TAF1: variants seen among roughly 807,000 people sequenced by gnomAD.
TAF1 encodes TATA-box binding protein associated factor 1.
A neutral mutation model predicts 138.5 loss-of-function variants in TAF1; 2 were observed. That is an observed-to-expected ratio of 0.01 (90% confidence interval 0.01 to 0.05). The LOEUF (loss-of-function observed/expected upper bound fraction) is 0.05. Among genes scored for constraint, TAF1 ranks in the 10% least tolerant of loss-of-function variants. TAF1 has a pLI of 1.00. For synonymous variants in TAF1, 437 were observed against 503.2 expected, an observed-to-expected ratio of 0.87 and a Z score of 1.76; for missense variants, 709 against 1,478.0, an observed-to-expected ratio of 0.48 and a Z score of 8.53.
intron 13 of TAF1, among the ~76,000 whole-genome samples, chrX:71,482,461 C>G (rs1017761532): frequency 1.8e-5 from 2 of 112,402 alleles, no homozygotes; most frequent in Admixed American, 9.5e-5. Flanking sequence ...CAGTTCCAGA[C>G]CACTGCAATA....
intron 9 of TAF1, 146 bp downstream of exon 9, chrX:71,382,065 A>G (rs1353824884): frequency 9.1e-6 from 6 of 657,804 alleles, no homozygotes; most frequent in Non-Finnish European, 8.3e-6. Context: ...TTTGGCTGTT[A>G]GTTTATATTA....
Position 71,367,501 on chromosome X carries a change from A to G in TAF1, c.123A>G (p.Glu41=). The G allele has an allele frequency of 8.3e-7, 1 of 1,211,084 alleles. No individual in the cohort carries two copies. Among genetic ancestry groups the G allele is most frequent in the Non-Finnish European group, 1.1e-6 (1 of 895,325 alleles). ...QLEGESVLDD[E]CKKHLAGLGA... is the part of the protein sequence containing the mutation. ...GACTCGTGCTGTCCCTTTTTCAGGA[A>G]TGTAAGAAGCACTTGGCAGGCTTGG... is the stretch of plus-strand genomic sequence containing the variant. The change falls in exon 2 of 38, where the codon GAA becomes GAG. Residue 41 remains glutamate, a splice_region_variant and synonymous_variant. Transcript: ENST00000423759.
chrX:71,366,470 G>A lies in TAF1; in HGVS notation c.96G>A (p.Leu32=), dbSNP rs1204140210. 3 of 1,199,045 alleles carry A rather than the reference G, an allele frequency of 2.5e-6. No individual in the cohort carries two copies. The East Asian group carries it at 9.0e-5, about 36-fold the overall frequency. The change falls in exon 1 of 38, where the codon CTG becomes CTA. Residue 32 remains leucine (L), a synonymous_variant. Coordinates refer to ENST00000423759, the MANE Select transcript of TAF1 (RefSeq NM_004606.5). ...GCAACATCAATGGAGCCGGGCAGCTGGAGGGGGAAAGCGTCTTGGATGATG... is the reference window on the plus strand; with the variant it reads ...GCAACATCAATGGAGCCGGGCAGCTAGAGGGGGAAAGCGTCTTGGATGATG... ...LFGNINGAGQ[L]EGESVLDDEC...
chrX:71,375,365 A>G (rs1469964100), intron 4 of TAF1, 79 bp downstream of exon 4: 1 of 1,113,069 alleles, frequency 9.0e-7, no homozygotes, highest in African/African-American at 1.9e-5. Context: ...CACATAAGGG[A>G]CAAACTTAAG....
chrX:71,448,186 A>G (rs1262052309), intron 32 of TAF1, among the ~76,000 whole-genome samples: 2 of 111,398 alleles, frequency 1.8e-5, no homozygotes, highest in East Asian at 2.8e-4. Context: ...ATTGGAGTTC[A>G]ATTCTGTTTA....
At chrX:71,461,759 A>G (rs770888422) in intron 37 of TAF1, among the ~76,000 whole-genome samples, 1 of 112,066 alleles carries the variant, frequency 8.9e-6, no homozygotes, top group Non-Finnish European at 1.9e-5. Context: ...CCTTCCTTCA[A>G]GGAGATCAGT....
chrX:71,406,913 T>TG (rs2035500354), intron 26 of TAF1, among the ~76,000 whole-genome samples, 167 bp downstream of exon 26: 1 of 108,283 alleles, frequency 9.2e-6, no homozygotes, highest in African/African-American at 3.4e-5. Flanking sequence ...TTAGAGAAAG[T>TG]GGATTTTTTT....
intron 8 of TAF1, among the ~76,000 whole-genome samples, chrX:71,381,096 A>C (rs973125532): frequency 1.5e-4 from 17 of 112,337 alleles, no homozygotes; most frequent in African/African-American, 5.5e-4. Flanking sequence ...TAATTTACCG[A>C]TAACATGTTG....
intron 21 of TAF1, 25 bp from the exon 22 acceptor site, chrX:71,394,042 T>C: frequency 8.5e-7 from 1 of 1,180,036 alleles, no homozygotes. Context: ...TAGTTCTTTC[T>C]GCACATTGCT....
downstream of TAF1, among the ~76,000 whole-genome samples, chrX:71,468,733 C>CTT (rs758614333): frequency 1.4e-3 from 154 of 108,997 alleles, no homozygotes; most frequent in African/African-American, 5.0e-3. Flanking sequence ...TGGCTCACAC[C>CTT]TTTAATCCCA....
At chrX:71,471,696 G>A (rs994004209) in intron 13 of TAF1, among the ~76,000 whole-genome samples, 3 of 111,079 alleles carry the variant, frequency 2.7e-5, no homozygotes, top group Admixed American at 9.6e-5. Context: ...TATTGAAAAC[G>A]AAAGTACACT....
intron 13 of TAF1, among the ~76,000 whole-genome samples, chrX:71,473,450 C>G: frequency 9.0e-6 from 1 of 110,521 alleles, no homozygotes; most frequent in East Asian, 2.8e-4. Context: ...GCGGGATGAT[C>G]ACTTAAGGCC....
chrX:71,393,931 A>T, intron 21 of TAF1, 136 bp from the exon 22 acceptor site: 2 of 643,134 alleles, frequency 3.1e-6, no homozygotes, highest in Middle Eastern at 5.4e-4. Context: ...AAAACTTTGT[A>T]AAGCTTTTCT....
chrX:71,427,729 G>A (rs1053408736), intron 32 of TAF1, among the ~76,000 whole-genome samples: 3 of 110,545 alleles, frequency 2.7e-5, no homozygotes, highest in African/African-American at 9.9e-5. Context: ...ACCTTAGGTC[G>A]GCAGTTTGAG....
At chrX:71,429,792 GAT>G (rs1355422095) in intron 32 of TAF1, among the ~76,000 whole-genome samples, 1 of 110,885 alleles carries the variant, frequency 9.0e-6, no homozygotes, top group Non-Finnish European at 1.9e-5. Context: ...GGGGTGTAGA[GAT>G]ACTTAGGAGG....
downstream of TAF1, among the ~76,000 whole-genome samples, chrX:71,468,250 C>CA (rs911608512): frequency 3.8e-5 from 4 of 105,570 alleles, no homozygotes; most frequent in African/African-American, 1.0e-4. Flanking sequence ...GAGACCCTGT[C>CA]AAAAAAAAGA....
chrX:71,375,691 A>C (rs1367178173), intron 4 of TAF1, among the ~76,000 whole-genome samples: 5 of 111,934 alleles, frequency 4.5e-5, no homozygotes, highest in African/African-American at 1.6e-4. Flanking sequence ...GGAGTGCAGT[A>C]GCACGATCTT....
intron 13 of TAF1, among the ~76,000 whole-genome samples, chrX:71,483,774 C>A (rs868566669): frequency 0.045 from 3,139 of 69,242 alleles, 73 homozygotes; most frequent in African/African-American, 0.061. Flanking sequence ...CTCTCTCTCT[C>A]TCTCTCTATA....
intron 32 of TAF1, among the ~76,000 whole-genome samples, chrX:71,430,437 T>G (rs774002142): frequency 2.5e-4 from 27 of 108,449 alleles, no homozygotes; most frequent in African/African-American, 9.0e-4. Flanking sequence ...ACTGCTAAGC[T>G]ATCAAAATGG....
Sources: allele counts gnomAD v4.1 joint callset (sites outside exome capture counted in the v4.1 genomes callset), GRCh38; gene constraint gnomAD v4.1.1; transcripts MANE v1.5; gene names NCBI Gene and HGNC (gene_info 2026-07-23, HGNC 2026-07-21).